Variants in CATSPERD observed in about 807,000 individuals in gnomAD.
CATSPERD encodes the protein cation channel sperm-associated auxiliary subunit delta.
In CATSPERD, 86 loss-of-function variants were observed where a neutral mutation model predicts 98.1. That is an observed-to-expected ratio of 0.88 (90% confidence interval 0.74 to 1.05). The LOEUF (loss-of-function observed/expected upper bound fraction) is 1.05, where lower values mean the gene tolerates loss of function less well. CATSPERD is among the 50% of genes least tolerant of loss of function. CATSPERD has a pLI of 0.00. For synonymous variants in CATSPERD, 394 were observed against 390.2 expected (o/e 1.01, Z -0.12); for missense variants, 995 against 1,005.7 (o/e 0.99, Z 0.14).
intron 11 of CATSPERD, 50 bp downstream of exon 11, chr19:5,749,233 T>C: frequency 7.2e-7 from 1 of 1,387,722 alleles, no homozygotes; most frequent in Non-Finnish European, 1.0e-6. Context: ...GGTTCACGCC[T>C]GTCATCCCAG....
At chr19:5,739,040 T>A (rs1383945978) in intron 6 of CATSPERD, among the ~76,000 whole-genome samples, 1 of 152,004 alleles carries the variant, frequency 6.6e-6, no homozygotes, top group African/African-American at 2.4e-5. Context: ...ACTTTGGTAT[T>A]TTTTAGGAGA....
At chr19:5,725,036 C>A (rs2055577484) in intron 2 of CATSPERD, among the ~76,000 whole-genome samples, 174 bp downstream of exon 2, 1 of 152,184 alleles carries the variant, frequency 6.6e-6, no homozygotes, top group South Asian at 2.1e-4. Flanking sequence ...TCCCATTTCA[C>A]TGAGAAACAA....
At chr19:5,749,406 C>T (rs952389664) in intron 11 of CATSPERD, among the ~76,000 whole-genome samples, 4 of 151,952 alleles carry the variant, frequency 2.6e-5, no homozygotes, top group African/African-American at 7.3e-5. Flanking sequence ...GCAGGAGAAT[C>T]GCTTGAGCCT....
At chr19:5,752,264 A>G (rs1359486111) in intron 12 of CATSPERD, among the ~76,000 whole-genome samples, 3 of 151,712 alleles carry the variant, frequency 2.0e-5, no homozygotes, top group Non-Finnish European at 2.9e-5. Flanking sequence ...AGCCGAGATC[A>G]CACCACTGCA....
At chr19:5,748,556 G>A (rs567993540) in intron 10 of CATSPERD, among the ~76,000 whole-genome samples, 11 of 149,860 alleles carry the variant, frequency 7.3e-5, no homozygotes, top group South Asian at 2.1e-4. Flanking sequence ...GCTGGAACCC[G>A]GGAGGTGGAG....
intron 18 of CATSPERD, 54 bp downstream of exon 18, chr19:5,768,296 C>T: frequency 1.4e-6 from 2 of 1,405,428 alleles, no homozygotes; most frequent in Non-Finnish European, 2.0e-6. Context: ...ATTGGGCCTG[C>T]AAAAGCCAAG....
At chr19:5,755,494 G>T (rs1046420187) in intron 13 of CATSPERD, among the ~76,000 whole-genome samples, 3 of 152,124 alleles carry the variant, frequency 2.0e-5, no homozygotes, top group Non-Finnish European at 4.4e-5. Flanking sequence ...TGAGGGCCGG[G>T]CGCGGTGGCT....
intron 18 of CATSPERD, 78 bp downstream of exon 18, chr19:5,768,320 T>TTTTATTTATTTATTTATTTATTTATTTA (rs145790220): frequency 2.0e-6 from 1 of 495,462 alleles, no homozygotes; most frequent in African/African-American, 2.1e-5. Context: ...AAATTAGGAA[T>TTTTATTTATTTATTTATTTATTTATTTA]TTTATTTATT....
At position 5,772,835 on chromosome 19, in the gene CATSPERD, T is replaced by TA; in HGVS notation, c.1812dup (p.Leu605ThrfsTer104). 6.2e-7 allele frequency: 1 copy of TA among 1,614,024 alleles called. No individual in the cohort carries two copies. The highest frequency in any genetic ancestry group is 2.2e-5 in the East Asian group (1 of 44,870). On this transcript the variant is annotated frameshift_variant, in exon 20 of 22. Coordinates refer to ENST00000381624, the MANE Select transcript of CATSPERD (RefSeq NM_152784.4). LOFTEE classifies it high-confidence loss of function. ...GAGGTCATCGACGCCGAGTATGTGT[T>TA]ACTGGAGGTGAACGGGCAGTTCTCA...
chr19:5,768,577 C>T (rs1485736109), intron 18 of CATSPERD, among the ~76,000 whole-genome samples: 1 of 151,830 alleles, frequency 6.6e-6, no homozygotes, highest in African/African-American at 2.4e-5. Context: ...ATCTCGTGAT[C>T]CGCCCACCTC....
chr19:5,738,186 T>A (rs1419967700), intron 6 of CATSPERD, among the ~76,000 whole-genome samples: 1 of 151,074 alleles, frequency 6.6e-6, no homozygotes, highest in Non-Finnish European at 1.5e-5. Flanking sequence ...GGCGGGCAGA[T>A]CACAAGGTCA....
At chr19:5,738,980 A>G (rs1002471010) in intron 6 of CATSPERD, among the ~76,000 whole-genome samples, 1 of 151,996 alleles carries the variant, frequency 6.6e-6, no homozygotes, top group African/African-American at 2.4e-5. Context: ...CGCCCGCCTC[A>G]GCCTCCCAAA....
Position 5,778,700 on chromosome 19 carries a change from C to T in CATSPERD, c.*24C>T, listed in dbSNP as rs763077217. 6.3e-7 allele frequency: 1 copy of T among 1,584,288 alleles called. No individual in the cohort carries two copies. The highest frequency in any genetic ancestry group is 8.6e-7 in the Non-Finnish European group (1 of 1,165,306). Reference sequence around the variant, plus strand: ...GAGGCCGGTCCACAGGGTCCCAACCCCTTGTCTTCAAATAAAGTATAATGT... The same window carrying T: ...GAGGCCGGTCCACAGGGTCCCAACCTCTTGTCTTCAAATAAAGTATAATGT... On this transcript the variant is annotated 3_prime_UTR_variant, in exon 22 of 22. Transcript: ENST00000381624.
intron 15 of CATSPERD, among the ~76,000 whole-genome samples, chr19:5,762,489 C>T (rs2056459786): frequency 6.6e-6 from 1 of 152,096 alleles, no homozygotes; most frequent in African/African-American, 2.4e-5. Flanking sequence ...GTGAGGATTA[C>T]AATTTGAGAT....
intron 13 of CATSPERD, 130 bp downstream of exon 13, chr19:5,754,375 T>C (rs72983148): frequency 0.024 from 12,173 of 498,328 alleles, 184 homozygotes; most frequent in Non-Finnish European, 0.033. Flanking sequence ...CAATTCTGCA[T>C]AGAAATTGTC....
intron 2 of CATSPERD, among the ~76,000 whole-genome samples, chr19:5,726,961 A>G (rs2055616459): frequency 6.6e-6 from 1 of 152,184 alleles, no homozygotes; most frequent in African/African-American, 2.4e-5. Context: ...TGGGAGGCCA[A>G]GGCAGGTGGA....
chr19:5,747,871 C>A (rs1345033562), intron 9 of CATSPERD, among the ~76,000 whole-genome samples: 1 of 152,138 alleles, frequency 6.6e-6, no homozygotes, highest in Admixed American at 6.6e-5. Context: ...CTCAGCCTCC[C>A]AAAGTACTGG....
At chr19:5,733,355 C>CCTTT (rs2055771060) in intron 4 of CATSPERD, among the ~76,000 whole-genome samples, 2 of 134,640 alleles carry the variant, frequency 1.5e-5, no homozygotes, top group Non-Finnish European at 3.2e-5. Flanking sequence ...TTTCTTCCTT[C>CCTTT]CTTCCCTCCT....
chr19:5,751,030 A>T (rs1292177373), intron 11 of CATSPERD, among the ~76,000 whole-genome samples: 1 of 150,188 alleles, frequency 6.7e-6, no homozygotes, highest in African/African-American at 2.5e-5. Flanking sequence ...CCTGATCAAC[A>T]TGGTGAAACT....
Sources: gnomAD v4.1 joint callset for allele counts (sites outside exome capture counted in the v4.1 genomes callset) on GRCh38, gnomAD v4.1.1 for gene constraint, MANE v1.5 for transcripts, NCBI Gene and HGNC (gene_info 2026-07-23, HGNC 2026-07-21) for gene names.